Variants in CHM observed in about 807,000 individuals in gnomAD.
CHM encodes CHM Rab escort protein, also known as rab proteins geranylgeranyltransferase component A 1.
Under a neutral mutation model 49.0 loss-of-function variants are expected in CHM, and 10 were observed. That is an observed-to-expected ratio of 0.20 (90% CI 0.13 to 0.35). The LOEUF is 0.35. Among genes scored for constraint, CHM ranks in the 10% least tolerant of loss-of-function variants. The probability of loss-of-function intolerance (pLI) is 1.00; values close to 1 mark genes in which losing one functional copy is unlikely to be tolerated. For synonymous variants in CHM, 184 were observed against 167.5 expected (o/e 1.10, Z -0.76); for missense variants, 455 against 478.4 (o/e 0.95, Z 0.46).
At chrX:85,969,096 C>A in intron 4 of CHM, 1 of 680,550 alleles carries the variant, frequency 1.5e-6, no homozygotes, top group Non-Finnish European at 1.7e-6. Context: ...ATTTTAGATT[C>A]CTATTGCAAA....
intron 5 of CHM, 135 bp from the exon 6 acceptor site, chrX:85,959,112 C>A: frequency 1.2e-6 from 1 of 819,821 alleles, no homozygotes; most frequent in Non-Finnish European, 1.7e-6. Flanking sequence ...TAATACATAA[C>A]ACAATCTATT....
At chrX:85,931,954 T>C (rs1004407087) in intron 8 of CHM, among the ~76,000 whole-genome samples, 2 of 112,434 alleles carry the variant, frequency 1.8e-5, no homozygotes, top group Non-Finnish European at 3.8e-5. Context: ...TCATTTTTAC[T>C]AGCTTGATTT....
chrX:85,878,082 C>A (rs1294380830), intron 13 of CHM, among the ~76,000 whole-genome samples: 1 of 111,702 alleles, frequency 9.0e-6, no homozygotes, highest in Non-Finnish European at 1.9e-5. Flanking sequence ...CAAGTGCTAC[C>A]CTATTATGTA....
In CHM at chrX:85,962,143, G is replaced by A. The variant is rs752109943; in HGVS notation, c.702+1522C>T. On this transcript the variant is annotated intron_variant, in intron 5 of 14. Transcript: ENST00000357749. ...AAATTCCAAGTAATTACTTCAAAAT[G>A]GAATTGTCACACAAAGCCCATTTGT... is the stretch of plus-strand genomic sequence containing the variant. 4.5e-5 allele frequency among the ~76,000 whole-genome samples: 5 copies of A among 112,185 alleles called. No homozygotes were observed. The South Asian group carries it at 1.5e-3, about 33-fold the overall frequency.
chrX:85,931,065 T>C (rs1458005136), intron 8 of CHM, among the ~76,000 whole-genome samples: 3 of 111,341 alleles, frequency 2.7e-5, no homozygotes, highest in Non-Finnish European at 5.7e-5. Context: ...AGTAACAGGA[T>C]GGTCAAAGTA....
chrX:86,028,696 T>C (rs1171945360), intron 1 of CHM, among the ~76,000 whole-genome samples: 2 of 112,000 alleles, frequency 1.8e-5, no homozygotes, highest in Admixed American at 9.5e-5. Flanking sequence ...TCAAAAATTT[T>C]TGTCATATGA....
chrX:86,000,467 G>A (rs1242022731), intron 2 of CHM, among the ~76,000 whole-genome samples: 1 of 80,233 alleles, frequency 1.2e-5, no homozygotes, highest in Non-Finnish European at 2.3e-5. Context: ...AAAACTACAA[G>A]TACAACTAGC....
intron 4 of CHM, among the ~76,000 whole-genome samples, chrX:85,972,458 G>C (rs779343195): frequency 2.9e-3 from 324 of 113,190 alleles, no homozygotes; most frequent in African/African-American, 9.9e-3. Flanking sequence ...CACGGTGGCG[G>C]GGGAAGGCTC....
At chrX:85,894,379 TTTTCAAACATCATGTCTGAAAAAA>T (rs1407592600) in intron 11 of CHM, 95 bp from the exon 12 acceptor site, 1 of 615,385 alleles carries the variant, frequency 1.6e-6, no homozygotes, top group East Asian at 3.4e-5. Context: ...CTGAGTATCT[TTTTCAAACATCATGTCTGAAAAAA>T]ATATGGCTTG....
At chrX:85,883,815 C>T (rs1924908283) in intron 12 of CHM, among the ~76,000 whole-genome samples, 1 of 110,492 alleles carries the variant, frequency 9.1e-6, no homozygotes. Flanking sequence ...ATATATTTCA[C>T]ATTATATATT....
At chrX:85,953,247 A>G (rs141882944) in intron 8 of CHM, among the ~76,000 whole-genome samples, 200 of 112,029 alleles carry the variant, frequency 1.8e-3, no homozygotes, top group African/African-American at 6.2e-3. Flanking sequence ...AATGAAATCT[A>G]TAAAACACTG....
In CHM at chrX:85,895,570, G is replaced by A. The variant is rs956141849; in HGVS notation, c.1414-1286C>T. Among the ~76,000 whole-genome samples the A allele has an allele frequency of 2.7e-5, 3 of 112,226 alleles. No homozygotes were observed. In the South Asian group the frequency reaches 1.1e-3, roughly 41 times the overall value. On this transcript the variant is annotated intron_variant, in intron 11 of 14. Transcript: ENST00000357749. ...AAAGGGAAAAGCCCATTTGCACTTT[G>A]CCCTATAAGTGCTATGCTACATTTT...
chrX:85,875,421 G>A (rs1924350085), intron 13 of CHM, among the ~76,000 whole-genome samples: 1 of 111,711 alleles, frequency 9.0e-6, no homozygotes, highest in Non-Finnish European at 1.9e-5. Context: ...AGATGTAACA[G>A]GTAATTTAGA....
chrX:85,973,887 A>C (rs1931106099), intron 4 of CHM, among the ~76,000 whole-genome samples: 1 of 112,074 alleles, frequency 8.9e-6, no homozygotes, highest in African/African-American at 3.2e-5. Context: ...ACAAGAGAAA[A>C]TAGATTCTTA....
At chrX:85,929,072 C>G in intron 8 of CHM, among the ~76,000 whole-genome samples, 1 of 111,241 alleles carries the variant, frequency 9.0e-6, no homozygotes, top group South Asian at 3.8e-4. Flanking sequence ...AATCATATAC[C>G]AAAAGACAGA....
chrX:85,944,491 C>T (rs1394920559), intron 8 of CHM, among the ~76,000 whole-genome samples: 1 of 112,216 alleles, frequency 8.9e-6, no homozygotes, highest in South Asian at 3.7e-4. Flanking sequence ...TGAATAAGTT[C>T]ATTAAATGGG....
chrX:86,012,612 T>C (rs1255787560), intron 2 of CHM, among the ~76,000 whole-genome samples: 1 of 111,786 alleles, frequency 8.9e-6, no homozygotes, highest in Non-Finnish European at 1.9e-5. Flanking sequence ...CTCAGTCCTC[T>C]CATTGAGGCA....
chrX:85,964,202 T>C (rs1214684782), intron 4 of CHM, 150 bp from the exon 5 acceptor site: 2 of 534,169 alleles, frequency 3.7e-6, no homozygotes, highest in Non-Finnish European at 5.8e-6. Context: ...AAATTAAGAT[T>C]TGAAAGATAT....
chrX:86,026,966 A>T (rs1392865603), intron 2 of CHM: 2 of 114,879 alleles, frequency 1.7e-5, no homozygotes, highest in Non-Finnish European at 3.6e-5. Flanking sequence ...TTTTCCATCA[A>T]CCTCCTGCTT....
Sources: allele counts gnomAD v4.1 joint callset (sites outside exome capture counted in the v4.1 genomes callset), GRCh38; gene constraint gnomAD v4.1.1; transcripts MANE v1.5; gene names NCBI Gene and HGNC (gene_info 2026-07-23, HGNC 2026-07-21).